Variants in DMD observed in about 807,000 individuals in gnomAD.
The protein encoded by DMD is dystrophin, also known as mutant dystrophin.
DMD carries 63 observed loss-of-function variants against 330.1 expected under a neutral mutation model. The observed-to-expected ratio is 0.19, with a 90% CI of 0.16 to 0.24. DMD has a LOEUF of 0.24. Among genes scored for constraint, DMD ranks in the 10% least tolerant of loss-of-function variants. The pLI, the probability that DMD is intolerant of heterozygous loss-of-function variation, is 1.00. For missense variants in DMD, 3,344 were observed against 2,684.1 expected, an observed-to-expected ratio of 1.25 and a Z score of -5.43; for synonymous variants, 1,223 against 959.8, an observed-to-expected ratio of 1.27 and a Z score of -5.07.
chrX:32,095,276 CGTGA>C (rs2096497829), intron 44 of DMD, among the ~76,000 whole-genome samples: 2 of 111,786 alleles, frequency 1.8e-5, no homozygotes, highest in South Asian at 7.4e-4. Flanking sequence ...GTGAAAATGA[CGTGA>C]GTGAGAGTAA....
intron 29 of DMD, among the ~76,000 whole-genome samples, chrX:32,419,878 T>C (rs937441132): frequency 2.8e-5 from 2 of 70,950 alleles, no homozygotes; most frequent in Admixed American, 1.2e-4. Context: ...AAGTAAAGCA[T>C]TGAGCATTGA....
intron 62 of DMD, among the ~76,000 whole-genome samples, chrX:31,294,331 G>A (rs927010299): frequency 3.0e-4 from 34 of 111,883 alleles, no homozygotes; most frequent in Admixed American, 9.4e-5. Flanking sequence ...AATCAAGTGT[G>A]ATAATAGAGG....
In DMD at chrX:31,240,117, C is replaced by A. The variant is rs777904317; in HGVS notation, c.9287-16996G>T. 1.5e-4 allele frequency among the ~76,000 whole-genome samples: 17 copies of A among 111,251 alleles called. No homozygotes were observed. In the South Asian group the frequency reaches 5.8e-3, roughly 38 times the overall value. On this transcript the variant is annotated intron_variant, in intron 63 of 78. Transcript: ENST00000357033. ...GATGTTAAACTTCGTACATTTATTTCTGGGTTCCTGTCTTATTAAAACACT... is the reference window on the plus strand; with the variant it reads ...GATGTTAAACTTCGTACATTTATTTATGGGTTCCTGTCTTATTAAAACACT...
intron 13 of DMD, chrX:32,583,670 C>T (rs758003385): frequency 7.2e-5 from 8 of 111,254 alleles, no homozygotes; most frequent in Non-Finnish European, 1.5e-4. Context: ...GATGACACCA[C>T]AGAATATTGA....
chrX:31,515,414 T>G (rs1338416284), intron 55 of DMD, among the ~76,000 whole-genome samples: 3 of 111,518 alleles, frequency 2.7e-5, no homozygotes, highest in African/African-American at 9.7e-5. Flanking sequence ...AGTGACCAAA[T>G]CTCCTTAAGA....
intron 1 of DMD, among the ~76,000 whole-genome samples, chrX:33,172,573 C>T (rs181060470): frequency 9.0e-6 from 1 of 111,377 alleles, no homozygotes; most frequent in African/African-American, 3.3e-5. Flanking sequence ...TCCACCACTG[C>T]CAAACATACT....
At chrX:32,170,176 AAAAG>A (rs1204723218) in intron 44 of DMD, among the ~76,000 whole-genome samples, 1 of 110,840 alleles carries the variant, frequency 9.0e-6, no homozygotes, top group Non-Finnish European at 1.9e-5. Flanking sequence ...CAATAATTAA[AAAAG>A]AAAGAGTGGG....
chrX:31,993,808 G>T (rs2095566175), intron 44 of DMD, among the ~76,000 whole-genome samples: 1 of 112,063 alleles, frequency 8.9e-6, no homozygotes, highest in Non-Finnish European at 1.9e-5. Flanking sequence ...CTGGCTGAAA[G>T]AGTGAACTGT....
chrX:31,751,303 C>G (rs1473896097), intron 51 of DMD, among the ~76,000 whole-genome samples: 2 of 111,323 alleles, frequency 1.8e-5, no homozygotes, highest in Non-Finnish European at 1.9e-5. Flanking sequence ...TAGCCCTGTC[C>G]ACATGTCATA....
At chrX:33,025,299 T>C (rs1414146806) in intron 1 of DMD, among the ~76,000 whole-genome samples, 1 of 111,273 alleles carries the variant, frequency 9.0e-6, no homozygotes, top group East Asian at 2.8e-4. Flanking sequence ...AAACTGAAAG[T>C]ACACGCTCAT....
chrX:33,135,385 C>T (rs1258244312), intron 1 of DMD, among the ~76,000 whole-genome samples: 1 of 112,136 alleles, frequency 8.9e-6, no homozygotes, highest in African/African-American at 3.2e-5. Context: ...AATACTTGTA[C>T]ATCTGCTCAA....
At chrX:33,098,492 G>A (rs1221952093) in intron 1 of DMD, among the ~76,000 whole-genome samples, 1 of 110,934 alleles carries the variant, frequency 9.0e-6, no homozygotes, top group Non-Finnish European at 1.9e-5. Context: ...CATAACCTAG[G>A]GCAAACCCAA....
At chrX:33,146,017 G>T (rs2048012077) in intron 1 of DMD, among the ~76,000 whole-genome samples, 1 of 110,359 alleles carries the variant, frequency 9.1e-6, no homozygotes, top group Non-Finnish European at 1.9e-5. Flanking sequence ...CTCCCGAGCA[G>T]CTAGGACTAC....
chrX:31,214,781 T>G (rs2045158789), intron 64 of DMD, among the ~76,000 whole-genome samples: 1 of 110,235 alleles, frequency 9.1e-6, no homozygotes. Flanking sequence ...AAAAAATTGT[T>G]AAGTTGAAAC....
intron 34 of DMD, among the ~76,000 whole-genome samples, chrX:32,365,904 C>A (rs2097852804): frequency 9.0e-6 from 1 of 111,471 alleles, no homozygotes; most frequent in Admixed American, 9.6e-5. Context: ...TCTGTCATTT[C>A]TATTAGTGAC....
chrX:33,079,615 A>G (rs1484038053), intron 1 of DMD, among the ~76,000 whole-genome samples: 1 of 111,725 alleles, frequency 9.0e-6, no homozygotes, highest in African/African-American at 3.3e-5. Context: ...TATGCAAAAT[A>G]CGCCAAATGT....
intron 1 of DMD, among the ~76,000 whole-genome samples, chrX:33,177,067 G>T (rs1223039209): frequency 8.9e-6 from 1 of 112,460 alleles, no homozygotes; most frequent in Non-Finnish European, 1.9e-5. Context: ...CCCACAGGGA[G>T]CTCTGGAGGG....
At chrX:32,100,754 G>A (rs973644631) in intron 44 of DMD, among the ~76,000 whole-genome samples, 6 of 111,199 alleles carry the variant, frequency 5.4e-5, no homozygotes, top group African/African-American at 2.0e-4. Context: ...CCGCCTTTTG[G>A]GAGCTTGGTC....
chrX:31,555,096 C>T lies in DMD; in HGVS notation c.8218-47643G>A, dbSNP rs193220155. Among the ~76,000 whole-genome samples the T allele has an allele frequency of 3.2e-3, 353 of 111,591 alleles. 1 individual carries two copies. Among genetic ancestry groups the T allele is most frequent in the African/African-American group, 0.011 (332 of 30,738 alleles). ...GAGGGATAAGGCTTGAGTGGTCACA[C>T]GGAGTGAGAGCATGAAGGGCCATGT... On this transcript the variant is annotated intron_variant, in intron 55 of 78. Transcript: ENST00000357033.
Sources: allele counts gnomAD v4.1 joint callset (sites outside exome capture counted in the v4.1 genomes callset), GRCh38; gene constraint gnomAD v4.1.1; transcripts MANE v1.5; gene names NCBI Gene and HGNC (gene_info 2026-07-23, HGNC 2026-07-21).